The following PLA2G6 variants were observed in gnomAD, a reference collection of about 807,000 sequenced individuals.
PLA2G6 encodes the protein 85/88 kDa calcium-independent phospholipase A2.
In PLA2G6, 62 loss-of-function variants were observed where a neutral mutation model predicts 83.8. The observed-to-expected ratio is 0.74, with a 90% CI of 0.60 to 0.91. The LOEUF is 0.91. Among genes scored for constraint, PLA2G6 ranks in the 40% least tolerant of loss-of-function variants. PLA2G6 has a pLI of 0.00. For missense variants in PLA2G6, 944 were observed against 1,102.0 expected (o/e 0.86, Z 2.03); for synonymous variants, 417 against 449.8 (o/e 0.93, Z 0.92).
chr22:38,142,962 C>T (rs2089008990), intron 4 of PLA2G6, 143 bp downstream of exon 4: 12 of 813,564 alleles, frequency 1.5e-5, no homozygotes, highest in Non-Finnish European at 1.7e-5. Flanking sequence ...GGGGTCTGCA[C>T]CCTCCATGAA....
In PLA2G6 at chr22:38,128,415, G is replaced by C; in HGVS notation, c.1202C>G (p.Ala401Gly). 6.2e-7 allele frequency: 1 copy of C among 1,614,078 alleles called. No homozygotes were observed. Residue 401 changes from alanine (A) to glycine (G), a missense_variant, in exon 9 of 17, where the codon GCG (alanine) becomes GGG (glycine). Ala to Gly is a moderately conservative substitution (Grantham distance 60, BLOSUM62 0). Transcript: ENST00000332509. The surrounding 1 kb of genome is among the most constrained non-coding windows in gnomAD (Gnocchi z 4.4). ...SKIGRLVTRK[A>G]ILTLLRTVGA... ...CACGGTTCTCAGCAGAGTCAAGATC[G>C]CCTTCCTGGTGACAACTTGTCATGG... is the stretch of plus-strand genomic sequence containing the variant.
At chr22:38,122,108 GAGC>G (rs2087560404) in intron 11 of PLA2G6, among the ~76,000 whole-genome samples, 1 of 152,152 alleles carries the variant, frequency 6.6e-6, no homozygotes, top group Admixed American at 6.5e-5. Context: ...TGGACTGGCT[GAGC>G]CCCCTGCTCC....
rs1327399950 is a variant in PLA2G6, at chr22:38,128,593, G to A, written c.1187-163C>T. ...TCAGCCCACCCTGACAGGGAGTGCTGCCCCCAGGCTGGTACATCCCAAGCA... is the reference window on the plus strand; with the variant it reads ...TCAGCCCACCCTGACAGGGAGTGCTACCCCCAGGCTGGTACATCCCAAGCA... On this transcript the variant is annotated intron_variant, in intron 8 of 16. Coordinates refer to ENST00000332509, the MANE Select transcript of PLA2G6 (RefSeq NM_003560.4). The surrounding 1 kb of genome is among the most constrained non-coding windows in gnomAD (Gnocchi z 4.4). 6.6e-6 allele frequency among the ~76,000 whole-genome samples: 1 copy of A among 152,160 alleles called. No homozygotes were observed. The highest frequency in any genetic ancestry group is 6.5e-5 in the Admixed American group (1 of 15,280).
intron 5 of PLA2G6, chr22:38,136,078 CA>C (rs1235086938): frequency 1.3e-5 from 2 of 152,318 alleles, no homozygotes; most frequent in African/African-American, 4.8e-5. Context: ...CACAAAAGGA[CA>C]AACGCTGTAT....
intron 1 of PLA2G6, among the ~76,000 whole-genome samples, chr22:38,175,787 G>A (rs1237510247): frequency 2.0e-5 from 3 of 152,180 alleles, no homozygotes; most frequent in Non-Finnish European, 2.9e-5. Context: ...GGGTGCATCT[G>A]TTGGCTTGGG....
intron 1 of PLA2G6, among the ~76,000 whole-genome samples, chr22:38,175,384 C>G (rs567150743): frequency 6.6e-6 from 1 of 152,260 alleles, no homozygotes; most frequent in South Asian, 2.1e-4. Context: ...GCCAGTGGCG[C>G]CCCATGACCT....
At chr22:38,162,194 G>T (rs1245873085) in intron 2 of PLA2G6, among the ~76,000 whole-genome samples, 1 of 139,782 alleles carries the variant, frequency 7.2e-6, no homozygotes, top group Non-Finnish European at 1.5e-5. Flanking sequence ...GGGCAACAGA[G>T]CGAGACTCTG....
intron 11 of PLA2G6, among the ~76,000 whole-genome samples, chr22:38,122,626 TAATTTCCCAGTAA>T (rs557534319): frequency 3.9e-5 from 6 of 152,326 alleles, no homozygotes; most frequent in African/African-American, 1.2e-4. Context: ...CCTGGGAACT[TAATTTCCCAGTAA>T]AATTTCCCAG....
At chr22:38,170,123 G>A (rs1484116514) in intron 1 of PLA2G6, among the ~76,000 whole-genome samples, 10 of 151,574 alleles carry the variant, frequency 6.6e-5, no homozygotes, top group African/African-American at 2.2e-4. Context: ...ACTTGAACCC[G>A]GGAGGCAGAG....
intron 2 of PLA2G6, chr22:38,150,065 A>C (rs1279383549): frequency 1.3e-5 from 2 of 151,558 alleles, no homozygotes; most frequent in African/African-American, 4.8e-5. Flanking sequence ...AAAAAAAAAA[A>C]AAACACATAG....
At chr22:38,131,907 G>A in intron 7 of PLA2G6, 1 of 332,138 alleles carries the variant, frequency 3.0e-6, no homozygotes, top group South Asian at 2.2e-5. Context: ...GCCAACACAG[G>A]AGTTCGAGAC....
chr22:38,116,132 C>T lies in PLA2G6; in HGVS notation c.1822G>A (p.Val608Ile). Residue 608 changes from valine (V) to isoleucine (I), a missense_variant, in exon 13 of 17, where the codon GTC (valine) becomes ATC (isoleucine). Transcript: ENST00000332509. Reference protein sequence around the residue: ...LFRNYDAPETVREPRFNQNVN... With the variant: ...LFRNYDAPETIREPRFNQNVN... ...TTCTGGTTGAAACGAGGCTCCCGGA[C>T]AGTTTCTGGAGCATCGTAGTTCCGG... 2 of 1,614,026 alleles carry T rather than the reference C, an allele frequency of 1.2e-6. No homozygotes were observed. The highest frequency in any genetic ancestry group is 1.7e-6 in the Non-Finnish European group (2 of 1,179,912).
intron 2 of PLA2G6, among the ~76,000 whole-genome samples, chr22:38,159,679 A>G (rs2089930000): frequency 6.6e-6 from 1 of 150,764 alleles, no homozygotes; most frequent in Non-Finnish European, 1.5e-5. Flanking sequence ...GCAGTGAGCC[A>G]TGATCATGCC....
intron 15 of PLA2G6, 64 bp from the exon 16 acceptor site, chr22:38,112,641 C>T: frequency 2.9e-6 from 4 of 1,372,758 alleles, no homozygotes; most frequent in Non-Finnish European, 4.0e-6. Context: ...CCCCGCCCGG[C>T]CCTGCCCTGC....
rs764204393 is a variant in PLA2G6 at position 38,116,099 on chromosome 22, G to A, written c.1855C>T (p.Leu619Phe). ...REPRFNQNVN[L>F]RPPAQPSDQL... Reference sequence around the variant, plus strand: ...CCTGAGGGCTGAGCTGGAGGCCTGAGGTTAACGTTCTGGTTGAAACGAGGC... The same window carrying A: ...CCTGAGGGCTGAGCTGGAGGCCTGAAGTTAACGTTCTGGTTGAAACGAGGC... Residue 619 changes from leucine to phenylalanine, a missense_variant, in exon 13 of 17, where the codon CTC (leucine) becomes TTC (phenylalanine). Physicochemically the swap from Leu to Phe is conservative, Grantham distance 22 (BLOSUM62 0). Coordinates refer to ENST00000332509, the MANE Select transcript of PLA2G6 (RefSeq NM_003560.4). 1 of 1,614,136 alleles carries A rather than the reference G, an allele frequency of 6.2e-7. No individual in the cohort carries two copies. The highest frequency in any genetic ancestry group is 1.1e-5 in the South Asian group (1 of 91,084).
intron 2 of PLA2G6, among the ~76,000 whole-genome samples, chr22:38,154,022 G>A (rs1171321129): frequency 6.6e-6 from 1 of 152,230 alleles, no homozygotes; most frequent in Non-Finnish European, 1.5e-5. Context: ...GTGGAAAGGG[G>A]AGGGAAGAGC....
intron 2 of PLA2G6, among the ~76,000 whole-genome samples, chr22:38,160,206 G>C (rs1016336315): frequency 6.6e-6 from 1 of 152,132 alleles, no homozygotes; most frequent in Non-Finnish European, 1.5e-5. Flanking sequence ...ACACCCGACA[G>C]AATGACTAAA....
At position 38,112,523 on chromosome 22, in the gene PLA2G6, C is replaced by A. The variant is rs1289082887; in HGVS notation, c.2257G>T (p.Val753Phe). ...VDRARAWCEM[V>F]GIQYFRLNPQ... ...CCTCACCTGAAGTACTGGATGCCGA[C>A]CATCTCGCACCAGGCCCGTGCCCGG... The change falls in exon 16 of 17, where the codon GTC becomes TTC. Residue 753 changes from valine (V) to phenylalanine (F), a missense_variant. Val to Phe is a conservative substitution (Grantham distance 50). Transcript: ENST00000332509. The A allele has an allele frequency of 1.3e-6, 2 of 1,555,844 alleles. No individual in the cohort carries two copies. The highest frequency in any genetic ancestry group is 1.7e-6 in the Non-Finnish European group (2 of 1,150,820).
At chr22:38,171,282 T>C (rs1181258252) in intron 1 of PLA2G6, among the ~76,000 whole-genome samples, 1 of 152,212 alleles carries the variant, frequency 6.6e-6, no homozygotes, top group African/African-American at 2.4e-5. Flanking sequence ...CTTCCTCTCC[T>C]TTTCTGTCTG....
Sources: gnomAD v4.1 joint callset for allele counts (sites outside exome capture counted in the v4.1 genomes callset) on GRCh38, gnomAD v4.1.1 for gene constraint, Gnocchi (gnomAD v3.1) non-coding constraint, MANE v1.5 for transcripts, NCBI Gene and HGNC (gene_info 2026-07-23, HGNC 2026-07-21) for gene names.